Variants in CMTM8 observed in about 807,000 individuals in gnomAD.
The protein encoded by CMTM8 is CKLF-like MARVEL transmembrane domain-containing protein 8.
Under a neutral mutation model 18.6 loss-of-function variants are expected in CMTM8, and 12 were observed. That is an observed-to-expected ratio of 0.65 (90% CI 0.41 to 1.05). The LOEUF is 1.05. Among genes scored for constraint, CMTM8 ranks in the 50% least tolerant of loss-of-function variants. CMTM8 has a pLI of 0.00. For missense variants in CMTM8, 217 were observed against 227.2 expected, an observed-to-expected ratio of 0.95 and a Z score of 0.29; for synonymous variants, 87 against 90.6, an observed-to-expected ratio of 0.96 and a Z score of 0.23.
Position 32,252,150 on chromosome 3 carries a change from A to G in CMTM8, c.147+13031A>G, listed in dbSNP as rs183247308. On this transcript the variant is annotated intron_variant, in intron 1 of 3. Coordinates refer to ENST00000307526, the MANE Select transcript of CMTM8 (RefSeq NM_178868.5). ...TTTAAGAAGTCTTTTTGTGTGTATA[A>G]TGTAAGAATTTTACTTCTTTACCCA... Among the ~76,000 whole-genome samples, 476 of 152,330 alleles carry G rather than the reference A, an allele frequency of 3.1e-3. 4 individuals are homozygous for G. Among genetic ancestry groups the G allele is most frequent in the African/African-American group, 0.011 (440 of 41,580 alleles).
chr3:32,271,865 A>G (rs1220443383), intron 1 of CMTM8, among the ~76,000 whole-genome samples: 1 of 152,174 alleles, frequency 6.6e-6, no homozygotes, highest in Non-Finnish European at 1.5e-5. Flanking sequence ...TAAATCAGGT[A>G]AAATTCTTCA....
intron 1 of CMTM8, among the ~76,000 whole-genome samples, chr3:32,278,444 A>G (rs1342396041): frequency 1.3e-5 from 2 of 152,226 alleles, no homozygotes; most frequent in African/African-American, 2.4e-5. Context: ...GTCAAGAGTC[A>G]TTGTCATTTA....
intron 1 of CMTM8, 67 bp from the exon 2 acceptor site, chr3:32,357,306 C>G: frequency 2.6e-6 from 3 of 1,135,744 alleles, no homozygotes; most frequent in Non-Finnish European, 3.8e-6. Flanking sequence ...TTCTTTGTCC[C>G]TCCTTCCTTC....
chr3:32,350,527 T>TTA (rs1007819586), intron 1 of CMTM8, among the ~76,000 whole-genome samples: 6 of 149,916 alleles, frequency 4.0e-5, no homozygotes, highest in African/African-American at 1.5e-4. Context: ...CCAGCTAATT[T>TTA]TTTTTTTTTT....
At chr3:32,262,414 A>G (rs976716750) in intron 1 of CMTM8, among the ~76,000 whole-genome samples, 1 of 152,208 alleles carries the variant, frequency 6.6e-6, no homozygotes, top group African/African-American at 2.4e-5. Flanking sequence ...TCTAGTGAGC[A>G]GTAAGGCACA....
chr3:32,281,070 A>G (rs35019255), intron 1 of CMTM8, among the ~76,000 whole-genome samples: 14,856 of 151,940 alleles, frequency 0.098, 835 homozygotes, highest in Admixed American at 0.12. Flanking sequence ...GAACTCCCCA[A>G]GCCCCATCTC....
At chr3:32,269,514 G>A (rs962379453) in intron 1 of CMTM8, among the ~76,000 whole-genome samples, 1 of 152,150 alleles carries the variant, frequency 6.6e-6, no homozygotes, top group African/African-American at 2.4e-5. Context: ...AAAGGTGGAA[G>A]ACCAAAGCTC....
chr3:32,326,949 C>A (rs1332280341), intron 1 of CMTM8, among the ~76,000 whole-genome samples: 1 of 152,126 alleles, frequency 6.6e-6, no homozygotes, highest in Non-Finnish European at 1.5e-5. Flanking sequence ...CCACTGGCTG[C>A]ATTTGCAGTG....
intron 1 of CMTM8, among the ~76,000 whole-genome samples, chr3:32,344,043 G>A (rs1342501572): frequency 1.3e-5 from 2 of 152,102 alleles, no homozygotes; most frequent in Non-Finnish European, 2.9e-5. Flanking sequence ...CCACATATGT[G>A]CCATATTAAA....
intron 1 of CMTM8, among the ~76,000 whole-genome samples, chr3:32,309,324 T>C (rs983594585): frequency 5.8e-5 from 8 of 138,806 alleles, no homozygotes; most frequent in African/African-American, 1.1e-4. Flanking sequence ...TTTTTTTTTT[T>C]CGAGACAGAG....
chr3:32,266,811 C>G (rs1702353383), intron 1 of CMTM8, among the ~76,000 whole-genome samples: 1 of 152,166 alleles, frequency 6.6e-6, no homozygotes, highest in African/African-American at 2.4e-5. Flanking sequence ...ACACCAATAA[C>G]AGACAAACAG....
intron 1 of CMTM8, among the ~76,000 whole-genome samples, chr3:32,287,060 G>T (rs1196956513): frequency 6.6e-6 from 1 of 152,210 alleles, no homozygotes; most frequent in Admixed American, 6.5e-5. Flanking sequence ...CCTATTTGTG[G>T]CTGCTTTGCT....
chr3:32,317,446 G>C (rs918943626), intron 1 of CMTM8, among the ~76,000 whole-genome samples: 3 of 152,116 alleles, frequency 2.0e-5, no homozygotes, highest in Admixed American at 6.5e-5. Context: ...AAGGGAAGGA[G>C]GTAAATGGTC....
chr3:32,277,278 G>A (rs1702534758), intron 1 of CMTM8, among the ~76,000 whole-genome samples: 1 of 152,178 alleles, frequency 6.6e-6, no homozygotes, highest in Admixed American at 6.5e-5. Context: ...GTCCAGGGAG[G>A]CCCTACATGG....
At chr3:32,346,281 C>G (rs1401846269) in intron 1 of CMTM8, among the ~76,000 whole-genome samples, 1 of 152,204 alleles carries the variant, frequency 6.6e-6, no homozygotes, top group Non-Finnish European at 1.5e-5. Context: ...TGTTTCTCCT[C>G]AGAGACAGCT....
chr3:32,346,895 A>G (rs190034979), intron 1 of CMTM8, among the ~76,000 whole-genome samples: 50 of 150,014 alleles, frequency 3.3e-4, no homozygotes, highest in African/African-American at 1.2e-3. Context: ...ATCACAGCTC[A>G]TTGCAACCTC....
At chr3:32,286,729 T>C (rs1380055167) in intron 1 of CMTM8, among the ~76,000 whole-genome samples, 1 of 151,944 alleles carries the variant, frequency 6.6e-6, no homozygotes, top group Non-Finnish European at 1.5e-5. Context: ...TTGGGCCACA[T>C]ATAAAATACA....
chr3:32,288,740 T>TCC (rs1702728573), intron 1 of CMTM8, among the ~76,000 whole-genome samples: 1 of 152,218 alleles, frequency 6.6e-6, no homozygotes, highest in Non-Finnish European at 1.5e-5. Flanking sequence ...GACCTCGTGA[T>TCC]ATGCCCGCCT....
chr3:32,295,224 G>A (rs973938283), intron 1 of CMTM8, among the ~76,000 whole-genome samples: 10 of 151,980 alleles, frequency 6.6e-5, no homozygotes, highest in Non-Finnish European at 7.4e-5. Flanking sequence ...GGGAGGCCAA[G>A]GCAAGTGGAT....
Sources: gnomAD v4.1 joint callset for allele counts (sites outside exome capture counted in the v4.1 genomes callset) on GRCh38, gnomAD v4.1.1 for gene constraint, MANE v1.5 for transcripts, NCBI Gene and HGNC (gene_info 2026-07-23, HGNC 2026-07-21) for gene names.